DUSP15: variants seen among roughly 807,000 people sequenced by gnomAD.
The protein encoded by DUSP15 is dual specificity protein phosphatase 15.
DUSP15 carries 23 observed loss-of-function variants against 26.3 expected under a neutral mutation model. That is an observed-to-expected ratio of 0.87 (90% CI 0.63 to 1.24). DUSP15 has a LOEUF of 1.24. DUSP15 is among the 50% of genes most tolerant of loss of function. DUSP15 has a pLI of 0.00. For missense variants in DUSP15, 364 were observed against 320.6 expected, an observed-to-expected ratio of 1.14 and a Z score of -1.03; for synonymous variants, 143 against 135.5, an observed-to-expected ratio of 1.06 and a Z score of -0.39.
intron 2 of DUSP15, among the ~76,000 whole-genome samples, chr20:31,868,299 C>T (rs113738643): frequency 2.7e-4 from 41 of 152,164 alleles, no homozygotes; most frequent in African/African-American, 8.9e-4. Context: ...GTGGCATGAG[C>T]GGCTGAGGGA....
At chr20:31,868,421 C>T (rs2062821292) in intron 2 of DUSP15, among the ~76,000 whole-genome samples, 1 of 152,084 alleles carries the variant, frequency 6.6e-6, no homozygotes, top group Non-Finnish European at 1.5e-5. Flanking sequence ...CTTTGAGTCA[C>T]CCAAGCCCTG....
chr20:31,856,265 G>A (rs1001245497), downstream of DUSP15, among the ~76,000 whole-genome samples: 2 of 152,154 alleles, frequency 1.3e-5, no homozygotes, highest in African/African-American at 4.8e-5. Context: ...GGGAGGGGAG[G>A]GAGTGGAGAC....
chr20:31,862,649 C>T lies in DUSP15; in HGVS notation c.357G>A (p.Lys119=). The change falls in exon 6 of 7, where the codon AAG becomes AAA. Residue 119 remains lysine, a synonymous_variant. Coordinates refer to ENST00000339738, the MANE Select transcript of DUSP15 (RefSeq NM_080611.5). ...TGGGGTTGGCGATGGGCCTGGTGGCCTTGATGGCTTCAAGCACGTCCCGCC... is the reference window on the plus strand; with the variant it reads ...TGGGGTTGGCGATGGGCCTGGTGGCTTTGATGGCTTCAAGCACGTCCCGCC... ...LGWRDVLEAI[K]ATRPIANPNP... The T allele has an allele frequency of 6.2e-7, 1 of 1,614,142 alleles. No individual in the cohort carries two copies. The highest frequency in any genetic ancestry group is 8.5e-7 in the Non-Finnish European group (1 of 1,180,026).
chr20:31,855,416 G>C (rs891849466), intron 6 of DUSP15, among the ~76,000 whole-genome samples: 1 of 152,184 alleles, frequency 6.6e-6, no homozygotes, highest in Non-Finnish European at 1.5e-5. Flanking sequence ...AATGAGGGTC[G>C]ACTGTGTGTG....
intron 7 of DUSP15, chr20:31,850,496 T>G: frequency 9.3e-7 from 1 of 1,079,862 alleles, no homozygotes; most frequent in Non-Finnish European, 1.4e-6. Context: ...GTTGTGGCTA[T>G]TATTGGGAGC....
At chr20:31,852,474 G>A (rs999917932) in intron 6 of DUSP15, among the ~76,000 whole-genome samples, 1 of 152,202 alleles carries the variant, frequency 6.6e-6, no homozygotes, top group Non-Finnish European at 1.5e-5. Flanking sequence ...GGGGCAGGAT[G>A]GTACCTGGGC....
chr20:31,866,246 G>T (rs767795526), intron 3 of DUSP15, among the ~76,000 whole-genome samples: 1 of 152,204 alleles, frequency 6.6e-6, no homozygotes, highest in Non-Finnish European at 1.5e-5. Flanking sequence ...GGATGATACA[G>T]ACTCTAATAG....
intron 9 of DUSP15, chr20:31,848,783 C>G (rs1363132263): frequency 6.2e-7 from 1 of 1,600,706 alleles, no homozygotes. Context: ...TGCTTCTTGG[C>G]TGGAGTGGAA....
chr20:31,848,418 A>G (rs1202510100), exon 10 of DUSP15: 1 of 1,611,566 alleles, frequency 6.2e-7, no homozygotes, highest in Non-Finnish European at 8.5e-7. Context: ...CGGGTACAAG[A>G]AGAGGAAGCG....
rs573870845 is a variant in DUSP15 at position 31,867,846 on chromosome 20, C to T, written c.56-693G>A. ...ATTTTTAGTAGAGACGGGGTTTCAC[C>T]GTGTTAGCCAGGATGGTCTCGATCT... On this transcript the variant is annotated intron_variant, in intron 2 of 6. Transcript: ENST00000339738. 2.6e-5 allele frequency among the ~76,000 whole-genome samples: 4 copies of T among 152,054 alleles called. No individual in the cohort carries two copies. The East Asian group carries it at 5.8e-4, about 22-fold the overall frequency.
intron 3 of DUSP15, among the ~76,000 whole-genome samples, chr20:31,865,996 G>A (rs1376146666): frequency 6.6e-6 from 1 of 152,174 alleles, no homozygotes; most frequent in Non-Finnish European, 1.5e-5. Flanking sequence ...TCCCAAACGA[G>A]GCTGCCCTAT....
intron 5 of DUSP15, 123 bp downstream of exon 5, chr20:31,863,784 G>C: frequency 1.1e-6 from 1 of 947,870 alleles, no homozygotes; most frequent in Non-Finnish European, 1.6e-6. Context: ...GGGCCCTCAG[G>C]CACTGTGACA....
At chr20:31,869,677 C>T in intron 1 of DUSP15, 80 bp from the exon 2 acceptor site, 9 of 1,570,018 alleles carry the variant, frequency 5.7e-6, no homozygotes, top group Non-Finnish European at 7.8e-6. Context: ...GGGCCCACAG[C>T]CCCTCTCTGT....
At chr20:31,848,842 G>A in exon 9 of DUSP15, 2 of 1,612,272 alleles carry the variant, frequency 1.2e-6, no homozygotes, top group Non-Finnish European at 1.7e-6. Flanking sequence ...GGTGCTGTGT[G>A]GGGCCCGGGT....
chr20:31,869,845 G>T (rs1422340826), intron 1 of DUSP15: 2 of 1,416,646 alleles, frequency 1.4e-6, no homozygotes, highest in East Asian at 5.3e-5. Context: ...GGGTATGAGA[G>T]GGGAGAGGAG....
chr20:31,868,699 C>T (rs1219306851), intron 2 of DUSP15, among the ~76,000 whole-genome samples: 2 of 152,056 alleles, frequency 1.3e-5, no homozygotes, highest in Admixed American at 6.6e-5. Flanking sequence ...AGGCTGGTCT[C>T]GAACTCCTGA....
rs1009787659 is a variant in DUSP15 at position 31,850,797 on chromosome 20, C to T, written c.427-121G>A. On this transcript the variant is annotated intron_variant, in intron 6 of 9. Coordinates refer to the DUSP15 transcript ENST00000278979. ...AGACCCAGTCCTTACTGTGGTCAAC[C>T]AAAGGGCCTGGAGGAGGATGGGTGG... The T allele has an allele frequency of 8.6e-6, 9 of 1,045,700 alleles. No homozygotes were observed. The African/African-American group carries it at 1.1e-4, about 13-fold the overall frequency. 64.8% of individuals were successfully genotyped at this position (1,045,700 alleles called of 1,614,324 possible).
rs1568689754 is a variant in DUSP15, at chr20:31,863,984, A to G, written c.189-3T>C. On this transcript the variant is annotated splice_polypyrimidine_tract_variant and splice_region_variant and intron_variant, in intron 4 of 6. Transcript: ENST00000339738. ...TACATTCTTTGAAGTGCTTTTTGCTAGAGGAGAAAGCAATAGGGTAGGGAG... is the reference window on the plus strand; with the variant it reads ...TACATTCTTTGAAGTGCTTTTTGCTGGAGGAGAAAGCAATAGGGTAGGGAG... 2 of 1,613,362 alleles carry G rather than the reference A, an allele frequency of 1.2e-6. No homozygotes were observed. The highest frequency in any genetic ancestry group is 4.5e-5 in the East Asian group (2 of 44,818).
At chr20:31,865,038 GC>G in intron 3 of DUSP15, 36 bp from the exon 4 acceptor site, 1 of 1,612,506 alleles carries the variant, frequency 6.2e-7, no homozygotes, top group Non-Finnish European at 8.5e-7. Context: ...AGGGGACCTT[GC>G]CTGCAACCCT....
Sources: gnomAD v4.1 joint callset for allele counts (sites outside exome capture counted in the v4.1 genomes callset) on GRCh38, gnomAD v4.1.1 for gene constraint, MANE v1.5 for transcripts, NCBI Gene and HGNC (gene_info 2026-07-23, HGNC 2026-07-21) for gene names.